Variants in FHL2 observed in about 807,000 individuals in gnomAD.
FHL2 encodes the protein four and a half LIM domains 2.
Under a neutral mutation model 32.7 loss-of-function variants are expected in FHL2, and 20 were observed. That is an observed-to-expected ratio of 0.61 (90% CI 0.43 to 0.89). The LOEUF (loss-of-function observed/expected upper bound fraction) is 0.89. Among genes scored for constraint, FHL2 ranks in the 40% least tolerant of loss-of-function variants. FHL2 has a pLI of 0.00. For synonymous variants in FHL2, 123 were observed against 128.1 expected, an observed-to-expected ratio of 0.96 and a Z score of 0.27; for missense variants, 311 against 358.6, an observed-to-expected ratio of 0.87 and a Z score of 1.07.
chr2:105,400,435 C>T (rs776505504), upstream of FHL2, among the ~76,000 whole-genome samples: 38 of 151,938 alleles, frequency 2.5e-4, no homozygotes, highest in Non-Finnish European at 2.1e-4. Flanking sequence ...GTTAAGGCCA[C>T]CCTACCTGAA....
chr2:105,405,974 G>A (rs896110805), intron 1 of FHL2, among the ~76,000 whole-genome samples: 3 of 152,228 alleles, frequency 2.0e-5, no homozygotes, highest in African/African-American at 7.2e-5. Context: ...TGACAATTGA[G>A]AATGTCTCCT....
At chr2:105,408,200 G>A (rs1032031028) in intron 1 of FHL2, among the ~76,000 whole-genome samples, 2 of 152,150 alleles carry the variant, frequency 1.3e-5, no homozygotes, top group Non-Finnish European at 2.9e-5. Context: ...GCCCACATAT[G>A]ACCACTGCCT....
upstream of FHL2, among the ~76,000 whole-genome samples, chr2:105,400,891 C>A (rs1288401163): frequency 6.6e-6 from 1 of 151,864 alleles, no homozygotes; most frequent in Non-Finnish European, 1.5e-5. Context: ...GGTAGCAGAA[C>A]ATTTTAAATG....
chr2:105,391,661 AG>A (rs1682743288), intron 2 of FHL2, among the ~76,000 whole-genome samples: 1 of 152,210 alleles, frequency 6.6e-6, no homozygotes, highest in South Asian at 2.1e-4. Flanking sequence ...TATGCAAGAC[AG>A]GGGGCAATGA....
chr2:105,368,874 G>T (rs1237923751), intron 4 of FHL2, among the ~76,000 whole-genome samples: 1 of 152,238 alleles, frequency 6.6e-6, no homozygotes, highest in Non-Finnish European at 1.5e-5. Flanking sequence ...CGGACTAGCT[G>T]AGGGGCCTGG....
upstream of FHL2, among the ~76,000 whole-genome samples, chr2:105,399,874 G>A (rs1683399706): frequency 6.6e-6 from 1 of 152,202 alleles, no homozygotes; most frequent in Non-Finnish European, 1.5e-5. Context: ...TGAGTAGGTG[G>A]ACCACAAAGG....
At chr2:105,429,263 A>G (rs180688049) in intron 1 of FHL2, among the ~76,000 whole-genome samples, 34 of 152,340 alleles carry the variant, frequency 2.2e-4, no homozygotes, top group Non-Finnish European at 4.3e-4. Flanking sequence ...AATTGGTAGC[A>G]AAATGATGGT....
At chr2:105,429,858 A>G (rs1167040598) in intron 1 of FHL2, among the ~76,000 whole-genome samples, 2 of 152,126 alleles carry the variant, frequency 1.3e-5, no homozygotes, top group African/African-American at 2.4e-5. Flanking sequence ...GCAAGTCAAG[A>G]GTATGGGGTA....
upstream of FHL2, among the ~76,000 whole-genome samples, chr2:105,403,908 G>T (rs1683549223): frequency 6.6e-6 from 1 of 152,214 alleles, no homozygotes; most frequent in African/African-American, 2.4e-5. Context: ...GTGGGTCTGA[G>T]CTGTACAAAT....
At chr2:105,370,633 G>A (rs1321964371) in intron 4 of FHL2, among the ~76,000 whole-genome samples, 1 of 152,144 alleles carries the variant, frequency 6.6e-6, no homozygotes, top group Non-Finnish European at 1.5e-5. Flanking sequence ...TAAATTCACC[G>A]CAAAAGCTGT....
intron 1 of FHL2, among the ~76,000 whole-genome samples, chr2:105,431,661 T>C (rs1684436229): frequency 1.3e-5 from 2 of 151,988 alleles, no homozygotes; most frequent in African/African-American, 4.8e-5. Context: ...ATGGTTGGAG[T>C]TAGGATTTTA....
At position 105,398,927 on chromosome 2, in the gene FHL2, C is replaced by G; in HGVS notation, c.-161G>C. 1 of 1,537,220 alleles carries G rather than the reference C, an allele frequency of 6.5e-7. No individual in the cohort carries two copies. Among genetic ancestry groups the G allele is most frequent in the Non-Finnish European group, 8.7e-7 (1 of 1,145,332 alleles). ...CACTTCCGAGCCCTGGTGGCTAAGC[C>G]CCTCGGCCTCCCTCCGGGGCGCAGG... On this transcript the variant is annotated 5_prime_UTR_variant, in exon 1 of 7. Coordinates refer to ENST00000530340, the MANE Select transcript of FHL2 (RefSeq NM_001318895.3).
At position 105,366,592 on chromosome 2, in the gene FHL2, C is replaced by T. The variant is rs145523409; in HGVS notation, c.501+978G>A. 3.3e-3 allele frequency among the ~76,000 whole-genome samples: 500 copies of T among 152,302 alleles called. 3 individuals carry two copies. In the Middle Eastern group the frequency reaches 0.044, roughly 13 times the overall value. ...GCGTGTGTCTAAGAGTCAGAGGGCA[C>T]AGCAGAAAACTAAGCTACACCCTGA... On this transcript the variant is annotated intron_variant, in intron 5 of 6. Coordinates refer to ENST00000530340, the MANE Select transcript of FHL2 (RefSeq NM_001318895.3).
chr2:105,393,442 C>T (rs115564649), intron 2 of FHL2, among the ~76,000 whole-genome samples: 1,757 of 152,324 alleles, frequency 0.012, 45 homozygotes, highest in African/African-American at 0.04. Context: ...TCAACCAGAG[C>T]TTTCCAGAGA....
intron 1 of FHL2, among the ~76,000 whole-genome samples, chr2:105,433,416 A>G (rs1238500783): frequency 2.0e-5 from 3 of 152,176 alleles, no homozygotes; most frequent in Admixed American, 1.3e-4. Context: ...TTCTGACTTC[A>G]GGTGATCTGC....
intron 3 of FHL2, chr2:105,376,433 A>G (rs978340027): frequency 1.3e-5 from 2 of 152,248 alleles, no homozygotes; most frequent in African/African-American, 4.8e-5. Context: ...AATGTGGCTC[A>G]GTATTGCCTT....
intron 2 of FHL2, among the ~76,000 whole-genome samples, chr2:105,390,433 G>A (rs1028891069): frequency 1.3e-5 from 2 of 152,138 alleles, no homozygotes; most frequent in Non-Finnish European, 2.9e-5. Context: ...CTGGGAGGAG[G>A]CACTTGGCCC....
At chr2:105,408,278 C>T (rs1247941792) in intron 1 of FHL2, among the ~76,000 whole-genome samples, 8 of 152,164 alleles carry the variant, frequency 5.3e-5, no homozygotes, top group Admixed American at 3.3e-4. Flanking sequence ...CTCACTTGCA[C>T]GTATTTTGGA....
intron 1 of FHL2, chr2:105,438,267 TGCCTGAGAGCTTCCTCCCAGG>T (rs1468588543): frequency 1.1e-5 from 8 of 723,680 alleles, no homozygotes; most frequent in African/African-American, 1.9e-5. Flanking sequence ...GAGCTCCCAG[TGCCTGAGAGCTTCCTCCCAGG>T]GCTGGACACT....
Sources: allele counts gnomAD v4.1 joint callset (sites outside exome capture counted in the v4.1 genomes callset), GRCh38; gene constraint gnomAD v4.1.1; transcripts MANE v1.5; gene names NCBI Gene and HGNC (gene_info 2026-07-23, HGNC 2026-07-21).